The following EIF2B3 variants were observed in gnomAD, a reference collection of about 807,000 sequenced individuals.
EIF2B3 encodes translation initiation factor eIF2B subunit gamma.
A neutral mutation model predicts 54.1 loss-of-function variants in EIF2B3; 20 were observed. That is an observed-to-expected ratio of 0.37 (90% confidence interval 0.26 to 0.54). The LOEUF is 0.54. EIF2B3 is among the 20% of genes least tolerant of loss of function. The pLI is 0.86. For missense variants in EIF2B3, 448 were observed against 547.8 expected (o/e 0.82, Z 1.82); for synonymous variants, 153 against 188.1 (o/e 0.81, Z 1.52).
chr1:44,897,549 T>C lies in EIF2B3; in HGVS notation c.567-105A>G, dbSNP rs147941099. On this transcript the variant is annotated intron_variant, in intron 5 of 11. Transcript: ENST00000360403. ...GTAGGCACTGGTAAGTTTATGAGGGTCAGAGGCATGCTGCCTACATCTCTT... is the reference window on the plus strand; with the variant it reads ...GTAGGCACTGGTAAGTTTATGAGGGCCAGAGGCATGCTGCCTACATCTCTT... 4.5e-6 allele frequency: 4 copies of C among 890,440 alleles called. No homozygotes were observed. The East Asian group carries it at 1.1e-4, about 24-fold the overall frequency. The allele number at this position is 890,440 out of a possible 1,614,324, so 55.2% of individuals were successfully genotyped here. A position where few individuals can be genotyped will look rare whatever the true frequency, so the allele number is the denominator to read the frequency against.
chr1:44,913,700 G>A (rs896763135), intron 5 of EIF2B3, among the ~76,000 whole-genome samples: 2 of 151,150 alleles, frequency 1.3e-5, no homozygotes, highest in African/African-American at 4.9e-5. Flanking sequence ...GGGGGTCACA[G>A]GATGTTGCCC....
At chr1:44,923,291 C>T (rs1048163219) in intron 5 of EIF2B3, among the ~76,000 whole-genome samples, 1 of 152,174 alleles carries the variant, frequency 6.6e-6, no homozygotes, top group Non-Finnish European at 1.5e-5. Context: ...GCATCCTTGT[C>T]TAGTAAGCTT....
intron 8 of EIF2B3, among the ~76,000 whole-genome samples, chr1:44,877,214 A>AAAAAAAAAAAAAAAAAAAAC (rs1655220207): frequency 6.7e-6 from 1 of 148,436 alleles, no homozygotes; most frequent in African/African-American, 2.5e-5. Flanking sequence ...AAAAAAAAAA[A>AAAAAAAAAAAAAAAAAAAAC]AAAAAAAACA....
chr1:44,966,263 C>T (rs1199877021), intron 3 of EIF2B3, among the ~76,000 whole-genome samples: 1 of 148,264 alleles, frequency 6.7e-6, no homozygotes, highest in Non-Finnish European at 1.5e-5. Flanking sequence ...CATGGTGAAA[C>T]CCTGTCTCTA....
chr1:44,956,342 C>T (rs1009804223), intron 3 of EIF2B3, among the ~76,000 whole-genome samples: 1 of 151,938 alleles, frequency 6.6e-6, no homozygotes, highest in Non-Finnish European at 1.5e-5. Context: ...GGGAGAGGAA[C>T]ATCACACACC....
At chr1:44,971,757 G>T (rs1295722473) in intron 3 of EIF2B3, among the ~76,000 whole-genome samples, 1 of 152,198 alleles carries the variant, frequency 6.6e-6, no homozygotes, top group African/African-American at 2.4e-5. Flanking sequence ...AATAGGCTGG[G>T]TGAGGTGGCT....
At chr1:44,920,908 G>A (rs1643726401) in intron 5 of EIF2B3, among the ~76,000 whole-genome samples, 1 of 152,150 alleles carries the variant, frequency 6.6e-6, no homozygotes, top group South Asian at 2.1e-4. Flanking sequence ...ATATACCTAG[G>A]AGTGGGATTG....
intron 5 of EIF2B3, among the ~76,000 whole-genome samples, chr1:44,912,271 CA>C (rs1208066520): frequency 2.0e-5 from 3 of 152,190 alleles, no homozygotes; most frequent in Non-Finnish European, 4.4e-5. Context: ...TTGCTAATCA[CA>C]ATTAGTTTTC....
chr1:44,890,999 G>A (rs928680139), intron 6 of EIF2B3, among the ~76,000 whole-genome samples: 11 of 151,988 alleles, frequency 7.2e-5, no homozygotes, highest in South Asian at 6.2e-4. Context: ...TCATTTGCCT[G>A]GATTCCTGTA....
intron 5 of EIF2B3, among the ~76,000 whole-genome samples, chr1:44,922,034 G>A (rs1643748238): frequency 6.6e-6 from 1 of 151,128 alleles, no homozygotes. Flanking sequence ...AGCCTCCCAA[G>A]TAGCTGGGAT....
At chr1:44,961,316 C>CAA (rs752610849) in intron 3 of EIF2B3, among the ~76,000 whole-genome samples, 13,442 of 81,380 alleles carry the variant, frequency 0.17, 1,177 homozygotes, top group East Asian at 0.24. Context: ...GACCCTGTCT[C>CAA]AAAAAAAAAA....
chr1:44,866,345 C>T lies in EIF2B3; in HGVS notation c.1202+8333G>A, dbSNP rs143842336. On this transcript the variant is annotated intron_variant, in intron 10 of 11. Transcript: ENST00000360403. ...CCTGGCAGGTGGAGGTTGCAGTTAG[C>T]TGAGATTGTGCCATTGCACTCCAGC... Among the ~76,000 whole-genome samples the T allele has an allele frequency of 2.7e-5, 4 of 150,270 alleles. No individual in the cohort carries two copies. In the East Asian group the frequency reaches 8.1e-4, roughly 30 times the overall value.
intron 10 of EIF2B3, among the ~76,000 whole-genome samples, chr1:44,859,065 G>A (rs1047983473): frequency 6.6e-6 from 1 of 152,114 alleles, no homozygotes; most frequent in African/African-American, 2.4e-5. Context: ...TTGGGAGGCC[G>A]AGGTGGAAGG....
chr1:44,975,198 A>C (rs1002394847), intron 3 of EIF2B3, among the ~76,000 whole-genome samples: 1 of 152,144 alleles, frequency 6.6e-6, no homozygotes, highest in African/African-American at 2.4e-5. Flanking sequence ...CCTGGACGAC[A>C]GAGCAAGGCT....
chr1:44,854,835 G>T (rs531655462), intron 11 of EIF2B3, among the ~76,000 whole-genome samples: 1 of 151,954 alleles, frequency 6.6e-6, no homozygotes. Flanking sequence ...GGATCCACCC[G>T]CCTCAGCCTC....
chr1:44,976,728 C>A (rs1053568800), intron 3 of EIF2B3, among the ~76,000 whole-genome samples: 1 of 152,128 alleles, frequency 6.6e-6, no homozygotes. Context: ...TGAAAAGGAA[C>A]AGATTAGTTA....
In EIF2B3 at chr1:44,892,533, T is replaced by C. The variant is rs562386153; in HGVS notation, c.656+4822A>G. ...AGGTGGAGGCTGCAGTGAGCTGTTATCACACCACTGCACTCCACTCCAGCC... is the reference window on the plus strand; with the variant it reads ...AGGTGGAGGCTGCAGTGAGCTGTTACCACACCACTGCACTCCACTCCAGCC... On this transcript the variant is annotated intron_variant, in intron 6 of 11. Coordinates refer to ENST00000360403, the MANE Select transcript of EIF2B3 (RefSeq NM_020365.5). 5.9e-5 allele frequency among the ~76,000 whole-genome samples: 9 copies of C among 151,934 alleles called. No homozygotes were observed. In the South Asian group the frequency reaches 1.5e-3, roughly 25 times the overall value.
intron 9 of EIF2B3, among the ~76,000 whole-genome samples, chr1:44,875,193 A>G (rs1655082193): frequency 6.6e-6 from 1 of 152,030 alleles, no homozygotes; most frequent in African/African-American, 2.4e-5. Context: ...CTCTGTCTCA[A>G]AAAAAAAGAA....
In EIF2B3 at chr1:44,881,605, A is replaced by T. The variant is rs1430224575; in HGVS notation, c.784+7T>A. 6.2e-7 allele frequency: 1 copy of T among 1,613,998 alleles called. No homozygotes were observed. Among genetic ancestry groups the T allele is most frequent in the East Asian group, 2.2e-5 (1 of 44,878 alleles). On this transcript the variant is annotated splice_region_variant and intron_variant, in intron 7 of 11. Coordinates refer to ENST00000360403, the MANE Select transcript of EIF2B3 (RefSeq NM_020365.5). The surrounding 1 kb of genome is among the most constrained non-coding windows in gnomAD (Gnocchi z 4.0). Reference sequence around the variant, plus strand: ...GCCCCTCTTACTGAACCAACCCAAGAACTGACCTAAGGACTTCAGCTCCTT... The same window carrying T: ...GCCCCTCTTACTGAACCAACCCAAGTACTGACCTAAGGACTTCAGCTCCTT...
Sources: gnomAD v4.1 joint callset for allele counts (sites outside exome capture counted in the v4.1 genomes callset) on GRCh38, gnomAD v4.1.1 for gene constraint, Gnocchi (gnomAD v3.1) non-coding constraint, MANE v1.5 for transcripts, NCBI Gene and HGNC (gene_info 2026-07-23, HGNC 2026-07-21) for gene names.